MAPRE2: variants seen among roughly 807,000 people sequenced by gnomAD.
The protein encoded by MAPRE2 is microtubule associated protein RP/EB family member 2, also known as microtubule-associated protein RP/EB family member 2.
A neutral mutation model predicts 43.2 loss-of-function variants in MAPRE2; 13 were observed. The observed-to-expected ratio is 0.30, with a 90% CI of 0.20 to 0.48. The LOEUF (loss-of-function observed/expected upper bound fraction) is 0.48. Ranked by LOEUF, MAPRE2 falls within the 20% of genes least tolerant of loss-of-function variation. MAPRE2 has a pLI of 0.99. For missense variants in MAPRE2, 161 were observed against 400.2 expected (o/e 0.40, Z 5.10); for synonymous variants, 135 against 148.8 (o/e 0.91, Z 0.68).
At chr18:35,081,202 T>C (rs554863354) in intron 2 of MAPRE2, among the ~76,000 whole-genome samples, 1 of 152,198 alleles carries the variant, frequency 6.6e-6, no homozygotes, top group Non-Finnish European at 1.5e-5. Context: ...CTTTTCCTGC[T>C]TCTTTTTTTT....
intron 1 of MAPRE2, among the ~76,000 whole-genome samples, chr18:34,992,643 T>C (rs66707523): frequency 0.18 from 27,515 of 152,206 alleles, 2,608 homozygotes; most frequent in East Asian, 0.24. Flanking sequence ...TTTTTTCCTT[T>C]GGGGAATCCA....
chr18:35,118,210 A>G (rs1001573596), intron 4 of MAPRE2, among the ~76,000 whole-genome samples: 1 of 152,124 alleles, frequency 6.6e-6, no homozygotes, highest in Non-Finnish European at 1.5e-5. Flanking sequence ...CACAGCAGCC[A>G]TGCCCTCGGC....
intron 2 of MAPRE2, among the ~76,000 whole-genome samples, chr18:35,071,100 G>C (rs911912632): frequency 2.6e-5 from 4 of 152,184 alleles, no homozygotes; most frequent in Non-Finnish European, 2.9e-5. Context: ...GTTCTTTGTT[G>C]AATGCCTGTA....
intron 2 of MAPRE2, among the ~76,000 whole-genome samples, chr18:35,021,337 T>C (rs948930960): frequency 6.6e-6 from 1 of 151,954 alleles, no homozygotes; most frequent in Non-Finnish European, 1.5e-5. Context: ...AATAACAAAA[T>C]TTAAAAAGGA....
chr18:35,068,990 CCAGAGTTGTGCTAGATGGCAT>C (rs1348656608), intron 1 of MAPRE2, among the ~76,000 whole-genome samples: 1 of 152,080 alleles, frequency 6.6e-6, no homozygotes, highest in African/African-American at 2.4e-5. Flanking sequence ...GTGTCAAAGC[CCAGAGTTGTGCTAGATGGCAT>C]CAAATCCCCG....
intron 1 of MAPRE2, among the ~76,000 whole-genome samples, chr18:35,063,359 G>A (rs1432829791): frequency 1.3e-4 from 20 of 151,956 alleles, no homozygotes; most frequent in Non-Finnish European, 1.8e-4. Flanking sequence ...CGCCCGCCTT[G>A]TCCTCCCAAA....
chr18:34,989,129 C>A (rs552133669), intron 1 of MAPRE2, among the ~76,000 whole-genome samples: 17 of 152,008 alleles, frequency 1.1e-4, no homozygotes, highest in Admixed American at 9.8e-4. Context: ...AGAGCCCAAA[C>A]CAAAAAAGGA....
intron 2 of MAPRE2, among the ~76,000 whole-genome samples, chr18:35,011,983 T>C (rs1183161605): frequency 1.3e-5 from 2 of 152,090 alleles, no homozygotes; most frequent in South Asian, 2.1e-4. Context: ...CATTGATCTT[T>C]AAGGGATGGC....
At chr18:35,078,620 T>G (rs1279384160) in intron 2 of MAPRE2, among the ~76,000 whole-genome samples, 1 of 152,208 alleles carries the variant, frequency 6.6e-6, no homozygotes, top group African/African-American at 2.4e-5. Flanking sequence ...CTCTCATTGC[T>G]GTATGTGTGG....
At chr18:35,101,680 A>T (rs150411278) in intron 3 of MAPRE2, among the ~76,000 whole-genome samples, 13 of 152,168 alleles carry the variant, frequency 8.5e-5, no homozygotes, top group African/African-American at 3.1e-4. Context: ...TAGCATAATG[A>T]TCTCCAGTTT....
At chr18:35,053,002 T>TC (rs34648453) in intron 1 of MAPRE2, among the ~76,000 whole-genome samples, 3 of 99,164 alleles carry the variant, frequency 3.0e-5, no homozygotes, top group African/African-American at 6.2e-5. Context: ...GAATATAAAG[T>TC]CCCCCCCACA....
intron 4 of MAPRE2, among the ~76,000 whole-genome samples, chr18:35,108,632 T>G (rs1249588803): frequency 2.6e-5 from 4 of 152,162 alleles, no homozygotes; most frequent in African/African-American, 9.7e-5. Context: ...CGCCAGCATC[T>G]ATTGTTTCCT....
intron 1 of MAPRE2, among the ~76,000 whole-genome samples, chr18:35,062,580 A>C (rs1335409182): frequency 6.6e-6 from 1 of 152,220 alleles, no homozygotes; most frequent in East Asian, 1.9e-4. Context: ...GAGAACTGAC[A>C]GTGTGGCCTT....
chr18:34,978,220 AAAG>A (rs199823011), intron 1 of MAPRE2: 9,482 of 477,014 alleles, frequency 0.02, 202 homozygotes, highest in Non-Finnish European at 0.022. Context: ...TTTTCCAAAA[AAAG>A]AAGAACAAAA....
chr18:34,993,992 C>CTTTTTTTT (rs11301716), intron 1 of MAPRE2, among the ~76,000 whole-genome samples: 1 of 120,034 alleles, frequency 8.3e-6, no homozygotes, highest in Non-Finnish European at 1.8e-5. Flanking sequence ...CATGGATTTT[C>CTTTTTTTT]TTTTTTTTTT....
intron 2 of MAPRE2, among the ~76,000 whole-genome samples, chr18:35,030,895 T>C (rs540570467): frequency 3.3e-4 from 51 of 152,248 alleles, no homozygotes; most frequent in Non-Finnish European, 5.7e-4. Flanking sequence ...GAACAAATCA[T>C]GCTCCTACCT....
intron 2 of MAPRE2, among the ~76,000 whole-genome samples, chr18:35,032,688 TG>T (rs1450881072): frequency 2.6e-5 from 4 of 152,192 alleles, no homozygotes; most frequent in African/African-American, 9.6e-5. Context: ...TTTTTTGTTT[TG>T]TTTTTTTGTT....
chr18:35,086,475 A>G (rs1421373870), intron 2 of MAPRE2, among the ~76,000 whole-genome samples: 4 of 152,046 alleles, frequency 2.6e-5, no homozygotes, highest in African/African-American at 9.7e-5. Context: ...CTATAAATAG[A>G]AAAGGTATAG....
At chr18:35,049,461 C>G (rs1905820939) in intron 1 of MAPRE2, among the ~76,000 whole-genome samples, 2 of 152,202 alleles carry the variant, frequency 1.3e-5, no homozygotes, top group African/African-American at 4.8e-5. Flanking sequence ...ATCCTTCTTT[C>G]AGCAGACTTA....
Sources: allele counts gnomAD v4.1 joint callset (sites outside exome capture counted in the v4.1 genomes callset), GRCh38; gene constraint gnomAD v4.1.1; transcripts MANE v1.5; gene names NCBI Gene and HGNC (gene_info 2026-07-23, HGNC 2026-07-21).